Variants in AKAP13 observed in about 807,000 individuals in gnomAD.
The protein encoded by AKAP13 is A-kinase anchoring protein 13.
A neutral mutation model predicts 264.5 loss-of-function variants in AKAP13; 80 were observed. The observed-to-expected ratio is 0.30, with a 90% confidence interval of 0.25 to 0.36. AKAP13 has a LOEUF of 0.36. Ranked by LOEUF, AKAP13 falls within the 10% of genes least tolerant of loss-of-function variation. The pLI is 1.00. For missense variants in AKAP13, 3,712 were observed against 3,435.2 expected (o/e 1.08, Z -2.01); for synonymous variants, 1,380 against 1,250.2 (o/e 1.10, Z -2.19).
At chr15:85,398,491 G>A (rs78157160) in intron 1 of AKAP13, among the ~76,000 whole-genome samples, 2,840 of 152,220 alleles carry the variant, frequency 0.019, 52 homozygotes, top group South Asian at 0.027. Context: ...CATATGTGGC[G>A]TATTTTATGT....
At chr15:85,713,424 A>G (rs759291707) in intron 19 of AKAP13, among the ~76,000 whole-genome samples, 8 of 151,994 alleles carry the variant, frequency 5.3e-5, no homozygotes, top group Admixed American at 1.3e-4. Context: ...CATCCTTGCA[A>G]TTCTTCAAGA....
intron 5 of AKAP13, among the ~76,000 whole-genome samples, chr15:85,546,323 C>CACACACAG (rs2077740494): frequency 1.5e-5 from 1 of 68,658 alleles, no homozygotes; most frequent in Admixed American, 1.8e-4. Context: ...TGTTACCAAA[C>CACACACAG]ACACACACAC....
At chr15:85,671,488 T>G (rs1180053215) in intron 14 of AKAP13, among the ~76,000 whole-genome samples, 2 of 151,042 alleles carry the variant, frequency 1.3e-5, no homozygotes, top group African/African-American at 4.9e-5. Context: ...AATGGGTGAT[T>G]CTGTTAACTT....
chr15:85,562,660 C>G (rs1224513551), intron 5 of AKAP13, among the ~76,000 whole-genome samples: 2 of 143,358 alleles, frequency 1.4e-5, no homozygotes, highest in Non-Finnish European at 1.5e-5. Flanking sequence ...GCTGTTATCC[C>G]ACTTTCCTTT....
At chr15:85,588,803 T>A (rs747000914) in intron 8 of AKAP13, among the ~76,000 whole-genome samples, 9 of 152,208 alleles carry the variant, frequency 5.9e-5, no homozygotes, top group Non-Finnish European at 8.8e-5. Context: ...AGTTTGAGGT[T>A]TGATTTCTAA....
At chr15:85,440,950 A>G (rs2073621366) in intron 1 of AKAP13, among the ~76,000 whole-genome samples, 1 of 152,222 alleles carries the variant, frequency 6.6e-6, no homozygotes, top group Non-Finnish European at 1.5e-5. Flanking sequence ...ATAAGAGCCC[A>G]CGGTTTGAAA....
chr15:85,701,679 G>A (rs956919323), intron 17 of AKAP13, among the ~76,000 whole-genome samples: 3 of 151,822 alleles, frequency 2.0e-5, no homozygotes, highest in Non-Finnish European at 4.4e-5. Context: ...CCTGACTCAG[G>A]TGATCCACCC....
chr15:85,504,487 T>G (rs2076130693), intron 2 of AKAP13, among the ~76,000 whole-genome samples: 1 of 111,870 alleles, frequency 8.9e-6, no homozygotes, highest in Non-Finnish European at 1.7e-5. Context: ...TGCGATGTGG[T>G]GAGACCCTGT....
At chr15:85,506,032 G>T (rs958804331) in intron 2 of AKAP13, among the ~76,000 whole-genome samples, 1 of 152,188 alleles carries the variant, frequency 6.6e-6, no homozygotes, top group Non-Finnish European at 1.5e-5. Flanking sequence ...GGTGGCTCAT[G>T]CCTATAATCC....
chr15:85,479,710 T>C (rs1434238823), intron 1 of AKAP13, among the ~76,000 whole-genome samples: 2 of 152,144 alleles, frequency 1.3e-5, no homozygotes, highest in Non-Finnish European at 2.9e-5. Context: ...AGTTAACAGG[T>C]ACAGAAGGGT....
At chr15:85,707,801 GAAA>G (rs35578911) in intron 17 of AKAP13, among the ~76,000 whole-genome samples, 5 of 146,440 alleles carry the variant, frequency 3.4e-5, no homozygotes, top group African/African-American at 1.3e-4. Context: ...CACAAACACC[GAAA>G]AAAAAAAAAT....
chr15:85,639,838 C>T (rs1419786560), intron 9 of AKAP13, among the ~76,000 whole-genome samples: 2 of 152,132 alleles, frequency 1.3e-5, no homozygotes. Flanking sequence ...TGCCTGGGTC[C>T]TACCTCCAGA....
chr15:85,647,710 C>A, intron 10 of AKAP13, among the ~76,000 whole-genome samples: 1 of 152,146 alleles, frequency 6.6e-6, no homozygotes, highest in East Asian at 1.9e-4. Flanking sequence ...CTTTGGGAGG[C>A]TGAGGCGGGC....
intron 8 of AKAP13, among the ~76,000 whole-genome samples, chr15:85,615,548 G>A (rs1360421474): frequency 1.3e-5 from 2 of 152,182 alleles, no homozygotes; most frequent in Non-Finnish European, 2.9e-5. Flanking sequence ...GAGGCTAAAT[G>A]TTTTATCTGT....
chr15:85,403,107 G>C (rs1265476440), intron 1 of AKAP13, among the ~76,000 whole-genome samples: 1 of 151,836 alleles, frequency 6.6e-6, no homozygotes, highest in Non-Finnish European at 1.5e-5. Context: ...TCATAAATAA[G>C]GAAAAAATGA....
At position 85,708,881 on chromosome 15, in the gene AKAP13, T is replaced by C. The variant is rs1157644656; in HGVS notation, c.5532+795T>C. 2.0e-5 allele frequency among the ~76,000 whole-genome samples: 3 copies of C among 152,216 alleles called. No individual in the cohort carries two copies. Among genetic ancestry groups the C allele is most frequent in the Admixed American group, 2.0e-4 (3 of 15,284 alleles). On this transcript the variant is annotated intron_variant, in intron 18 of 36. Coordinates refer to ENST00000394518, the MANE Select transcript of AKAP13 (RefSeq NM_007200.5). This position sits in a 1 kb window ranked among gnomAD's most constrained non-coding sequence, Gnocchi z 4.3. ...GCATCAGAATCAACTCGAGGGCTTA[T>C]TGAAAGACAACTTACTGAGCCCCAC...
intron 8 of AKAP13, chr15:85,635,069 T>C (rs1049676510): frequency 2.5e-6 from 1 of 398,136 alleles, no homozygotes; most frequent in African/African-American, 2.1e-5. Flanking sequence ...TAGGTTTTGA[T>C]TCTTCTTCGG....
At chr15:85,652,920 A>G (rs1281760054) in intron 10 of AKAP13, among the ~76,000 whole-genome samples, 1 of 152,182 alleles carries the variant, frequency 6.6e-6, no homozygotes, top group Non-Finnish European at 1.5e-5. Context: ...ACCCTACTCC[A>G]GTATAACCTC....
At position 85,498,197 on chromosome 15, in the gene AKAP13, GAGAT is replaced by G. The variant is rs765186670; in HGVS notation, c.33+12446_33+12449del. On this transcript the variant is annotated intron_variant, in intron 2 of 36. Transcript: ENST00000394518. ...TGTGGTAGTAAGGATTAAATGAAGT[GAGAT>G]ATATATATATATATATATATATATA... Among the ~76,000 whole-genome samples the G allele has an allele frequency of 9.7e-3, 293 of 30,078 alleles. 6 individuals carry two copies. Among genetic ancestry groups the G allele is most frequent in the Non-Finnish European group, 5.9e-3 (88 of 14,790 alleles). 19.7% of individuals were successfully genotyped at this position (30,078 alleles called of 152,430 possible). A position where few individuals can be genotyped will look rare whatever the true frequency, so the allele number is the denominator to read the frequency against.
Sources: gnomAD v4.1 joint callset for allele counts (sites outside exome capture counted in the v4.1 genomes callset) on GRCh38, gnomAD v4.1.1 for gene constraint, Gnocchi (gnomAD v3.1) non-coding constraint, MANE v1.5 for transcripts, NCBI Gene and HGNC (gene_info 2026-07-23, HGNC 2026-07-21) for gene names.